BANK1: variants seen among roughly 807,000 people sequenced by gnomAD.
The protein encoded by BANK1 is B cell scaffold protein with ankyrin repeats 1.
Under a neutral mutation model 94.5 loss-of-function variants are expected in BANK1, and 95 were observed. The observed-to-expected ratio is 1.00, with a 90% CI of 0.85 to 1.19. The LOEUF (loss-of-function observed/expected upper bound fraction) is 1.19, where lower values mean the gene tolerates loss of function less well. Among genes scored for constraint, BANK1 ranks in the 50% most tolerant of loss-of-function variants. The pLI, the probability that BANK1 is intolerant of heterozygous loss-of-function variation, is 0.00. For missense variants in BANK1, 987 were observed against 932.2 expected (o/e 1.06, Z -0.77); for synonymous variants, 334 against 308.4 (o/e 1.08, Z -0.87).
At chr4:101,852,183 T>G (rs1727500414) in intron 2 of BANK1, among the ~76,000 whole-genome samples, 1 of 151,966 alleles carries the variant, frequency 6.6e-6, no homozygotes, top group African/African-American at 2.4e-5. Context: ...CTTTAATACA[T>G]TCATTATCTT....
At chr4:101,940,031 C>T (rs1723691217) in intron 7 of BANK1, among the ~76,000 whole-genome samples, 1 of 151,584 alleles carries the variant, frequency 6.6e-6, no homozygotes. Flanking sequence ...ATCCATAAAC[C>T]AAACTACATA....
At chr4:101,849,507 A>G (rs1024337399) in intron 2 of BANK1, among the ~76,000 whole-genome samples, 1 of 152,028 alleles carries the variant, frequency 6.6e-6, no homozygotes, top group Non-Finnish European at 1.5e-5. Flanking sequence ...ATACACACGC[A>G]CACACACACA....
chr4:101,974,656 T>C (rs900377941), intron 7 of BANK1, among the ~76,000 whole-genome samples: 2 of 152,174 alleles, frequency 1.3e-5, no homozygotes, highest in South Asian at 2.1e-4. Flanking sequence ...TTATGTCTTA[T>C]TGAGATTCTA....
intron 5 of BANK1, among the ~76,000 whole-genome samples, chr4:101,890,316 A>G (rs1383070147): frequency 6.6e-6 from 1 of 151,722 alleles, no homozygotes; most frequent in Admixed American, 6.6e-5. Context: ...AGTTCTGTCC[A>G]TTTTTCCTTC....
rs550124423 is a variant in BANK1, at chr4:102,060,405, T to C, written c.2148+16T>C. The C allele has an allele frequency of 6.3e-7, 1 of 1,589,500 alleles. No individual in the cohort carries two copies. The highest frequency in any genetic ancestry group is 1.4e-5 in the African/African-American group (1 of 73,196). On this transcript the variant is annotated intron_variant, in intron 12 of 16. Coordinates refer to ENST00000322953, the MANE Select transcript of BANK1 (RefSeq NM_017935.5). ...GATTCAGCAGGTAATATTGGCCCAG[T>C]GTTTTCTGGGACATTCCCTCACTTG...
intron 7 of BANK1, among the ~76,000 whole-genome samples, chr4:102,000,322 C>CAAAAAAAAAAAAAAAAAAAAA (rs3974642): frequency 1.5e-5 from 1 of 66,102 alleles, no homozygotes; most frequent in Non-Finnish European, 2.8e-5. Flanking sequence ...AACTCTGTCT[C>CAAAAAAAAAAAAAAAAAAAAA]AAAAAAAAAA....
intron 6 of BANK1, among the ~76,000 whole-genome samples, chr4:101,912,994 T>C: frequency 6.6e-6 from 1 of 152,214 alleles, no homozygotes; most frequent in East Asian, 1.9e-4. Flanking sequence ...CCCTGATTTC[T>C]TGAATGTCTG....
chr4:101,980,299 C>G (rs1725285059), intron 7 of BANK1, among the ~76,000 whole-genome samples: 1 of 151,688 alleles, frequency 6.6e-6, no homozygotes, highest in African/African-American at 2.4e-5. Flanking sequence ...TTGAATTTAT[C>G]TTGGTTGAGT....
intron 5 of BANK1, among the ~76,000 whole-genome samples, chr4:101,875,871 G>T (rs1219107688): frequency 6.6e-6 from 1 of 152,178 alleles, no homozygotes; most frequent in African/African-American, 2.4e-5. Flanking sequence ...GCTCAACTGT[G>T]CCCAGTGACA....
chr4:101,873,899 T>C (rs1325507168), intron 5 of BANK1, among the ~76,000 whole-genome samples: 1 of 152,080 alleles, frequency 6.6e-6, no homozygotes, highest in Non-Finnish European at 1.5e-5. Flanking sequence ...TACAAAAATG[T>C]CTTGGGGAAA....
At chr4:102,027,809 T>C (rs1727154576) in intron 9 of BANK1, among the ~76,000 whole-genome samples, 1 of 152,210 alleles carries the variant, frequency 6.6e-6, no homozygotes, top group Non-Finnish European at 1.5e-5. Context: ...CCATGGTTTC[T>C]TTTTAACCCA....
At chr4:101,977,430 G>A (rs1222305352) in intron 7 of BANK1, among the ~76,000 whole-genome samples, 1 of 152,134 alleles carries the variant, frequency 6.6e-6, no homozygotes, top group Non-Finnish European at 1.5e-5. Flanking sequence ...ACGCAGATTA[G>A]CCCCAAAATT....
intron 3 of BANK1, among the ~76,000 whole-genome samples, chr4:101,861,464 G>A (rs1727873825): frequency 6.6e-6 from 1 of 151,948 alleles, no homozygotes; most frequent in African/African-American, 2.4e-5. Flanking sequence ...CTTGAAGAAA[G>A]CTTTTGAAGG....
intron 11 of BANK1, among the ~76,000 whole-genome samples, chr4:102,047,419 G>C (rs1057407231): frequency 9.4e-6 from 1 of 106,510 alleles, no homozygotes; most frequent in Admixed American, 1.0e-4. Flanking sequence ...CATATTTAAG[G>C]AGAAAGATAG....
chr4:101,962,007 T>C (rs1724586062), intron 7 of BANK1, among the ~76,000 whole-genome samples: 2 of 152,194 alleles, frequency 1.3e-5, no homozygotes, highest in South Asian at 2.1e-4. Context: ...AGTTCATTTT[T>C]TTCGTGCCTC....
In BANK1 at chr4:101,790,853, C is replaced by G. The variant is rs1379633629; in HGVS notation, c.-28C>G. 2.6e-6 allele frequency: 4 copies of G among 1,535,372 alleles called. No homozygotes were observed. The highest frequency in any genetic ancestry group is 3.5e-6 in the Non-Finnish European group (4 of 1,145,232). The stretch of plus-strand genomic sequence containing the variant: ...AGGTAGCGCTCGGCGGGCAGCAGTG[C>G]GCAGGCCCCTCGGCTTCAACCGCCA... On this transcript the variant is annotated 5_prime_UTR_variant, in exon 1 of 17. Transcript: ENST00000322953.
At chr4:101,925,588 T>C (rs1231879801) in intron 7 of BANK1, among the ~76,000 whole-genome samples, 1 of 151,810 alleles carries the variant, frequency 6.6e-6, no homozygotes, top group Non-Finnish European at 1.5e-5. Context: ...GTTGAAACAG[T>C]ATCTTATTCT....
chr4:101,841,972 A>G (rs963811914), intron 2 of BANK1, among the ~76,000 whole-genome samples: 1 of 152,084 alleles, frequency 6.6e-6, no homozygotes, highest in Non-Finnish European at 1.5e-5. Flanking sequence ...TCACAGATGA[A>G]TTATTATGAA....
In BANK1 at chr4:102,010,415, G is replaced by A. The variant is rs532887312; in HGVS notation, c.1207-11099G>A. On this transcript the variant is annotated intron_variant, in intron 7 of 16. Coordinates refer to ENST00000322953, the MANE Select transcript of BANK1 (RefSeq NM_017935.5). ...TCTTTTTTTTTTTTTTTTTTGGGAC[G>A]GAGTTTCACTTTTGTCAGCCAGGCT... Among the ~76,000 whole-genome samples the A allele has an allele frequency of 2.5e-4, 35 of 142,694 alleles. No individual in the cohort carries two copies. In the South Asian group the frequency reaches 4.7e-3, roughly 19 times the overall value. The allele number at this position is 142,694 out of a possible 152,430, so 93.6% of individuals were successfully genotyped here.
Sources: gnomAD v4.1 joint callset for allele counts (sites outside exome capture counted in the v4.1 genomes callset) on GRCh38, gnomAD v4.1.1 for gene constraint, MANE v1.5 for transcripts, NCBI Gene and HGNC (gene_info 2026-07-23, HGNC 2026-07-21) for gene names.